The following COL15A1 variants were observed in gnomAD, a reference collection of about 807,000 sequenced individuals.
COL15A1 encodes collagen type XV alpha 1 chain, also known as collagen alpha-1(XV) chain.
A neutral mutation model predicts 165.9 loss-of-function variants in COL15A1; 111 were observed. The observed-to-expected ratio is 0.67, with a 90% CI of 0.57 to 0.78. The LOEUF is 0.78. Among genes scored for constraint, COL15A1 ranks in the 30% least tolerant of loss-of-function variants. COL15A1 has a pLI of 0.00. For synonymous variants in COL15A1, 659 were observed against 674.8 expected (o/e 0.98, Z 0.36); for missense variants, 1,745 against 1,789.7 (o/e 0.98, Z 0.45).
rs762884546 is a variant in COL15A1 at position 99,066,914 on chromosome 9, TG to T, written c.3688del (p.Asp1230ThrfsTer36). On this transcript the variant is annotated frameshift_variant, in exon 40 of 42. Coordinates refer to ENST00000375001, the MANE Select transcript of COL15A1 (RefSeq NM_001855.5). LOFTEE classifies it high-confidence loss of function. ...TGGCTGCTCTGAACATGCCATTTTC[TG>T]GGGACATTCGAGCTGATTTTCAGTG... ...HLAALNMPFS[G>X]DIRADFQCFK... 6.2e-7 allele frequency: 1 copy of T among 1,614,054 alleles called. No individual in the cohort carries two copies. Among genetic ancestry groups the T allele is most frequent in the South Asian group, 1.1e-5 (1 of 91,070 alleles).
intron 2 of COL15A1, among the ~76,000 whole-genome samples, chr9:98,982,768 G>T (rs953866850): frequency 6.6e-6 from 1 of 151,844 alleles, no homozygotes; most frequent in Admixed American, 6.6e-5. Flanking sequence ...CAACCTCCTG[G>T]GTAGCGGGGA....
At chr9:98,954,778 G>A (rs1588489212) in intron 2 of COL15A1, among the ~76,000 whole-genome samples, 2 of 152,148 alleles carry the variant, frequency 1.3e-5, no homozygotes, top group South Asian at 2.1e-4. Flanking sequence ...ATATGAGAAC[G>A]CCAAGCCCAC....
intron 16 of COL15A1, among the ~76,000 whole-genome samples, chr9:99,030,284 A>T (rs957820616): frequency 6.6e-6 from 1 of 152,230 alleles, no homozygotes; most frequent in Non-Finnish European, 1.5e-5. Context: ...CCATACTTGC[A>T]GCTCTGCTAT....
chr9:99,054,120 C>T (rs762969964), intron 31 of COL15A1, among the ~76,000 whole-genome samples: 1 of 152,220 alleles, frequency 6.6e-6, no homozygotes, highest in Non-Finnish European at 1.5e-5. Flanking sequence ...AACTTAGCGC[C>T]CTTGGTTGTC....
intron 2 of COL15A1, 124 bp downstream of exon 2, chr9:98,944,374 C>G: frequency 2.0e-6 from 2 of 980,072 alleles, no homozygotes; most frequent in Middle Eastern, 2.9e-4. Flanking sequence ...TCTTGCCACT[C>G]AGTGCGCACT....
chr9:98,986,323 T>C (rs1190220461), intron 3 of COL15A1: 1 of 547,654 alleles, frequency 1.8e-6, no homozygotes, highest in African/African-American at 1.9e-5. Flanking sequence ...GAGACAGTTA[T>C]CCAGATTCTC....
At position 99,035,513 on chromosome 9, in the gene COL15A1, A is replaced by G. The variant is rs1449938979; in HGVS notation, c.2289+95A>G. On this transcript the variant is annotated intron_variant, in intron 19 of 41. Transcript: ENST00000375001. ...CTGCATCCCGGCTCTGCCACTTTCA[A>G]TAACTCACCTTCTCTGTGCCTCCAG... The G allele has an allele frequency of 9.5e-6, 14 of 1,478,676 alleles. No individual in the cohort carries two copies. The Admixed American group carries it at 2.0e-4, about 22-fold the overall frequency. The allele number at this position is 1,478,676 out of a possible 1,614,324, so 91.6% of individuals were successfully genotyped here.
At chr9:98,962,588 G>T (rs573401790) in intron 2 of COL15A1, among the ~76,000 whole-genome samples, 7 of 152,318 alleles carry the variant, frequency 4.6e-5, no homozygotes, top group South Asian at 2.1e-4. Context: ...TAAAGCAAGA[G>T]AATTAAATTT....
chr9:99,053,163 C>A (rs977321378), intron 31 of COL15A1, among the ~76,000 whole-genome samples: 2 of 152,220 alleles, frequency 1.3e-5, no homozygotes, highest in Non-Finnish European at 2.9e-5. Context: ...TCACTCTGGT[C>A]CCCCTGTCCT....
intron 28 of COL15A1, 94 bp downstream of exon 28, chr9:99,048,094 A>T: frequency 1.3e-6 from 1 of 763,356 alleles, no homozygotes; most frequent in South Asian, 1.5e-5. Flanking sequence ...CTGAATGTTC[A>T]GGAATGTTGT....
At chr9:98,979,919 A>G (rs1838208187) in intron 2 of COL15A1, among the ~76,000 whole-genome samples, 2 of 152,078 alleles carry the variant, frequency 1.3e-5, no homozygotes, top group Non-Finnish European at 2.9e-5. Context: ...GCATTTTGGG[A>G]GGCCGAGGCA....
In COL15A1 at chr9:99,070,317, G is replaced by C. The variant is rs550856543; in HGVS notation, c.*431G>C. On this transcript the variant is annotated 3_prime_UTR_variant, in exon 42 of 42. Coordinates refer to ENST00000375001, the MANE Select transcript of COL15A1 (RefSeq NM_001855.5). ...TTTCTAAGTTATATACAGATCAAATGCTTTTTTCTTTCACGTACATCCATC... is the reference window on the plus strand; with the variant it reads ...TTTCTAAGTTATATACAGATCAAATCCTTTTTTCTTTCACGTACATCCATC... 101 of 234,306 alleles carry C rather than the reference G, an allele frequency of 4.3e-4. No homozygotes were observed. The highest frequency in any genetic ancestry group is 2.3e-3 in the African/African-American group (98 of 42,632). The allele number at this position is 234,306 out of a possible 1,614,324, so 14.5% of individuals were successfully genotyped here.
chr9:99,016,694 G>A (rs768218228), intron 11 of COL15A1, among the ~76,000 whole-genome samples: 2 of 152,224 alleles, frequency 1.3e-5, no homozygotes, highest in Non-Finnish European at 2.9e-5. Flanking sequence ...GTGTCTCTTA[G>A]AAATAGGAAA....
intron 6 of COL15A1, among the ~76,000 whole-genome samples, chr9:99,000,476 T>G (rs1222901833): frequency 2.0e-5 from 3 of 152,212 alleles, no homozygotes; most frequent in African/African-American, 7.2e-5. Flanking sequence ...AATGAACATT[T>G]ATCAATTGCT....
At chr9:98,960,086 A>G (rs1837842312) in intron 2 of COL15A1, among the ~76,000 whole-genome samples, 1 of 152,194 alleles carries the variant, frequency 6.6e-6, no homozygotes, top group Non-Finnish European at 1.5e-5. Context: ...GACCAGCAGC[A>G]TGGGCATCAT....
Position 99,049,885 on chromosome 9 carries a change from G to A in COL15A1, c.2894G>A (p.Cys965Tyr). ...TTCCCAATACCCGTCCGACCACACT[G>A]CAAAATGCCAGTAAGTAGCAATCAC... ...AIFPIPVRPH[C>Y]KMPVDTAHPG... Residue 965 changes from cysteine to tyrosine, a missense_variant, in exon 30 of 42, where the codon TGC becomes TAC. Cys to Tyr is a radical substitution (Grantham distance 194, BLOSUM62 -2). Transcript: ENST00000375001. 6.2e-7 allele frequency: 1 copy of A among 1,614,214 alleles called. No individual in the cohort carries two copies. Among genetic ancestry groups the A allele is most frequent in the Non-Finnish European group, 8.5e-7 (1 of 1,180,032 alleles).
intron 21 of COL15A1, among the ~76,000 whole-genome samples, chr9:99,038,212 A>G (rs1399981686): frequency 1.3e-5 from 2 of 152,196 alleles, no homozygotes; most frequent in Non-Finnish European, 2.9e-5. Flanking sequence ...GCCCCTTTGG[A>G]TGGCTCTTTG....
chr9:99,024,833 G>A, intron 14 of COL15A1, 41 bp from the exon 15 acceptor site: 3 of 1,595,658 alleles, frequency 1.9e-6, no homozygotes, highest in Non-Finnish European at 2.6e-6. Flanking sequence ...ATCTCATTCG[G>A]TATTCCCCCA....
intron 16 of COL15A1, among the ~76,000 whole-genome samples, chr9:99,029,012 C>T (rs191016141): frequency 7.0e-4 from 107 of 152,268 alleles, no homozygotes; most frequent in African/African-American, 2.5e-3. Flanking sequence ...GAGGAGTAGC[C>T]TGCTTTCTCA....
Sources: gnomAD v4.1 joint callset for allele counts (sites outside exome capture counted in the v4.1 genomes callset) on GRCh38, gnomAD v4.1.1 for gene constraint, MANE v1.5 for transcripts, NCBI Gene and HGNC (gene_info 2026-07-23, HGNC 2026-07-21) for gene names.